CTTNBP2: variants seen among roughly 807,000 people sequenced by gnomAD.
The protein encoded by CTTNBP2 is cortactin-binding protein 2.
In CTTNBP2, 108 loss-of-function variants were observed where a neutral mutation model predicts 156.9. The observed-to-expected ratio is 0.69, with a 90% CI of 0.59 to 0.81. The LOEUF (loss-of-function observed/expected upper bound fraction) is 0.81. Among genes scored for constraint, CTTNBP2 ranks in the 30% least tolerant of loss-of-function variants. The pLI, the probability that CTTNBP2 is intolerant of heterozygous loss-of-function variation, is 0.00. For missense variants in CTTNBP2, 1,924 were observed against 2,035.4 expected (o/e 0.95, Z 1.05); for synonymous variants, 767 against 751.8 (o/e 1.02, Z -0.33).
At chr7:117,835,046 A>G (rs1447650334) in intron 2 of CTTNBP2, among the ~76,000 whole-genome samples, 1 of 152,220 alleles carries the variant, frequency 6.6e-6, no homozygotes, top group Non-Finnish European at 1.5e-5. Context: ...GCGTCAATAA[A>G]AGCAAAAACA....
intron 2 of CTTNBP2, among the ~76,000 whole-genome samples, chr7:117,813,274 C>T (rs1385219245): frequency 6.6e-6 from 1 of 152,188 alleles, no homozygotes; most frequent in Non-Finnish European, 1.5e-5. Flanking sequence ...AAATGTAGGA[C>T]AAACTACATA....
At chr7:117,865,526 A>T (rs955692251) in intron 1 of CTTNBP2, among the ~76,000 whole-genome samples, 1 of 151,416 alleles carries the variant, frequency 6.6e-6, no homozygotes, top group African/African-American at 2.4e-5. Context: ...AAGAAAAAAA[A>T]TTAGCCAGGC....
At chr7:117,830,209 A>G (rs1390936177) in intron 2 of CTTNBP2, among the ~76,000 whole-genome samples, 2 of 152,210 alleles carry the variant, frequency 1.3e-5, no homozygotes, top group African/African-American at 4.8e-5. Context: ...CTAAAAATAG[A>G]TTTTTAAAAT....
In CTTNBP2 at chr7:117,718,103, T is replaced by A; in HGVS notation, c.4661A>T (p.Asp1554Val). The change falls in exon 22 of 23, where the codon GAT becomes GTT. Residue 1554 changes from aspartate (D) to valine (V), a missense_variant. By Grantham distance (152) the Asp-to-Val change is radical. Transcript: ENST00000160373. ...SDISKIADSR[D>V]DLRMFDSSGN... ...AGAACTATCAAACATCCTTAAATCA[T>A]CCCTGGAATCAGCAATCTAGAAAAT... is the stretch of plus-strand genomic sequence containing the variant. 6.2e-7 allele frequency: 1 copy of A among 1,611,342 alleles called. No homozygotes were observed. Among genetic ancestry groups the A allele is most frequent in the Non-Finnish European group, 8.5e-7 (1 of 1,177,812 alleles).
chr7:117,807,506 G>A (rs368148566), intron 3 of CTTNBP2, among the ~76,000 whole-genome samples: 2 of 152,134 alleles, frequency 1.3e-5, no homozygotes, highest in African/African-American at 4.8e-5. Flanking sequence ...CGGTTGTCTA[G>A]CACTGGAAAC....
In CTTNBP2 at chr7:117,816,124, A is replaced by G. The variant is rs534645099; in HGVS notation, c.190-5135T>C. ...AGGAACCTGGAGAGGAAGTTAGGCC[A>G]ATGTCAGACTCCTCTATGCAGGACT... On this transcript the variant is annotated intron_variant, in intron 2 of 22. Coordinates refer to ENST00000160373, the MANE Select transcript of CTTNBP2 (RefSeq NM_033427.3). Among the ~76,000 whole-genome samples the G allele has an allele frequency of 2.0e-5, 3 of 152,338 alleles. No homozygotes were observed. The East Asian group carries it at 5.8e-4, about 29-fold the overall frequency.
At chr7:117,745,775 A>G in intron 14 of CTTNBP2, 56 bp downstream of exon 14, 1 of 1,141,420 alleles carries the variant, frequency 8.8e-7, no homozygotes, top group Non-Finnish European at 1.3e-6. Context: ...TCTTAATGGC[A>G]TAATTGAAGA....
intron 22 of CTTNBP2, among the ~76,000 whole-genome samples, chr7:117,716,423 C>T (rs1794380357): frequency 1.3e-5 from 2 of 152,078 alleles, no homozygotes; most frequent in South Asian, 4.2e-4. Context: ...ATCCTCCTGG[C>T]CCCTTCCACT....
intron 2 of CTTNBP2, among the ~76,000 whole-genome samples, chr7:117,819,316 G>A (rs1800801465): frequency 6.6e-6 from 1 of 151,618 alleles, no homozygotes; most frequent in Non-Finnish European, 1.5e-5. Flanking sequence ...AATAGCAGAG[G>A]AGTGAGTTTA....
chr7:117,719,542 T>C lies in CTTNBP2; in HGVS notation c.4606A>G (p.Ser1536Gly), dbSNP rs1287443672. 1 of 1,613,938 alleles carries C rather than the reference T, an allele frequency of 6.2e-7. No homozygotes were observed. The highest frequency in any genetic ancestry group is 8.5e-7 in the Non-Finnish European group (1 of 1,179,964). The change falls in exon 21 of 23, where the codon AGC becomes GGC. Residue 1536 changes from serine to glycine, a missense_variant. Physicochemically the swap from Ser to Gly is moderately conservative, Grantham distance 56. Coordinates refer to ENST00000160373, the MANE Select transcript of CTTNBP2 (RefSeq NM_033427.3). ...DEADLVKELQ[S>G]MCSSKSESDI... ...GACTCAGACTTGCTGGAGCACATGCTCTGAAGTTCCTTGACAAGATCTGCT... is the reference window on the plus strand; with the variant it reads ...GACTCAGACTTGCTGGAGCACATGCCCTGAAGTTCCTTGACAAGATCTGCT...
At position 117,810,814 on chromosome 7, in the gene CTTNBP2, T is replaced by A; in HGVS notation, c.365A>T (p.Gln122Leu). The change falls in exon 3 of 23, where the codon CAA (glutamine) becomes CTA (leucine). Residue 122 changes from glutamine (Q) to leucine (L), a missense_variant. Physicochemically the swap from Gln to Leu is moderately radical, Grantham distance 113 (BLOSUM62 -2). Coordinates refer to ENST00000160373, the MANE Select transcript of CTTNBP2 (RefSeq NM_033427.3). The part of the protein sequence containing the change: ...EAVMAHCKKM[Q>L]ERMSAQLAAA... ...AGCCAGCTGTGCGGACATCCTTTCT[T>A]GCATTTTCTTGCAGTGGGCCATGAC... 6.2e-7 allele frequency: 1 copy of A among 1,613,964 alleles called. No individual in the cohort carries two copies. Among genetic ancestry groups the A allele is most frequent in the Non-Finnish European group, 8.5e-7 (1 of 1,180,004 alleles).
chr7:117,711,437 C>A lies in CTTNBP2; in HGVS notation c.*100G>T, dbSNP rs907574640. 2 of 1,302,578 alleles carry A rather than the reference C, an allele frequency of 1.5e-6. No individual in the cohort carries two copies. Among genetic ancestry groups the A allele is most frequent in the Admixed American group, 2.4e-5 (1 of 42,294 alleles). The allele number at this position is 1,302,578 out of a possible 1,614,324, so 80.7% of individuals were successfully genotyped here. Reference sequence around the variant, plus strand: ...GGTCCCGCACTCATAATTTATATTACAGTGAAAACATTTTATCAATTTAAA... The same window carrying A: ...GGTCCCGCACTCATAATTTATATTAAAGTGAAAACATTTTATCAATTTAAA... On this transcript the variant is annotated 3_prime_UTR_variant, in exon 23 of 23. Coordinates refer to ENST00000160373, the MANE Select transcript of CTTNBP2 (RefSeq NM_033427.3).
rs568792053 is a variant in CTTNBP2, at chr7:117,839,884, C to T, written c.189+21325G>A. On this transcript the variant is annotated intron_variant, in intron 2 of 22. Transcript: ENST00000160373. ...TCTATAAAACTTTTTATGACTATAA[C>T]TCTCCCTACTAATAATAAACTACCA... Among the ~76,000 whole-genome samples the T allele has an allele frequency of 3.3e-5, 5 of 152,164 alleles. No individual in the cohort carries two copies. The South Asian group carries it at 1.0e-3, about 32-fold the overall frequency.
At chr7:117,764,870 G>A (rs1415081577) in intron 9 of CTTNBP2, among the ~76,000 whole-genome samples, 1 of 152,126 alleles carries the variant, frequency 6.6e-6, no homozygotes, top group Non-Finnish European at 1.5e-5. Flanking sequence ...GTAGTTTGTT[G>A]AATAAATGAA....
chr7:117,760,318 T>C (rs1423593025), intron 10 of CTTNBP2, 117 bp downstream of exon 10: 3 of 986,440 alleles, frequency 3.0e-6, no homozygotes, highest in Non-Finnish European at 4.5e-6. Flanking sequence ...CACCGGCAGC[T>C]GCCACAAGTA....
At chr7:117,721,413 T>A (rs1025527159) in intron 19 of CTTNBP2, among the ~76,000 whole-genome samples, 26 of 152,358 alleles carry the variant, frequency 1.7e-4, no homozygotes, top group African/African-American at 6.3e-4. Context: ...TGAATTTCAC[T>A]TTTATGGATG....
At chr7:117,728,387 C>T (rs1795222548) in intron 16 of CTTNBP2, 120 bp from the exon 17 acceptor site, 2 of 734,548 alleles carry the variant, frequency 2.7e-6, no homozygotes, top group South Asian at 3.8e-5. Context: ...TCTTATTTAA[C>T]TTTACTTGGG....
At chr7:117,806,759 T>TGG (rs1563026523) in intron 3 of CTTNBP2, among the ~76,000 whole-genome samples, 9 of 147,748 alleles carry the variant, frequency 6.1e-5, no homozygotes, top group Admixed American at 3.4e-4. Context: ...TTTTTTTTTT[T>TGG]TTTTTTTTTT....
In CTTNBP2 at chr7:117,756,771, A is replaced by G. The variant is rs2116625611; in HGVS notation, c.3269-137T>C. ...CAGAGCTGACATTTGGCCAGGAGGCACCAATGTGCCTTTCTGTTGTGAAAA... is the reference window on the plus strand; with the variant it reads ...CAGAGCTGACATTTGGCCAGGAGGCGCCAATGTGCCTTTCTGTTGTGAAAA... On this transcript the variant is annotated intron_variant, in intron 11 of 22. Transcript: ENST00000160373. 3 of 681,410 alleles carry G rather than the reference A, an allele frequency of 4.4e-6. No homozygotes were observed. The East Asian group carries it at 8.1e-5, about 18-fold the overall frequency. 42.2% of individuals were successfully genotyped at this position (681,410 alleles called of 1,614,324 possible).
Sources: gnomAD v4.1 joint callset for allele counts (sites outside exome capture counted in the v4.1 genomes callset) on GRCh38, gnomAD v4.1.1 for gene constraint, MANE v1.5 for transcripts, NCBI Gene and HGNC (gene_info 2026-07-23, HGNC 2026-07-21) for gene names.